The following KIAA1191 variants were observed in gnomAD, a reference collection of about 807,000 sequenced individuals.
KIAA1191 encodes KIAA1191.
KIAA1191 carries 22 observed loss-of-function variants against 31.1 expected under a neutral mutation model. That is an observed-to-expected ratio of 0.71 (90% confidence interval 0.51 to 1.01). The LOEUF is 1.01. Among genes scored for constraint, KIAA1191 ranks in the 50% least tolerant of loss-of-function variants. The probability of loss-of-function intolerance (pLI) is 0.00; values close to 1 mark genes in which losing one functional copy is unlikely to be tolerated. For synonymous variants in KIAA1191, 130 were observed against 143.9 expected (o/e 0.90, Z 0.69); for missense variants, 319 against 388.0 (o/e 0.82, Z 1.49).
At position 176,355,161 on chromosome 5, in the gene KIAA1191, G is replaced by A. The variant is rs1767390793; in HGVS notation, c.207+410C>T. 1.3e-5 allele frequency among the ~76,000 whole-genome samples: 2 copies of A among 152,068 alleles called. No homozygotes were observed. Among genetic ancestry groups the A allele is most frequent in the South Asian group, 4.1e-4 (2 of 4,826 alleles). Reference sequence around the variant, plus strand: ...GATCACATGGACTGTGGATCATGCTGAGCTTGGATTTAGCTCTGTGGGGAA... The same window carrying A: ...GATCACATGGACTGTGGATCATGCTAAGCTTGGATTTAGCTCTGTGGGGAA... On this transcript the variant is annotated intron_variant, in intron 4 of 8. Transcript: ENST00000298569. The surrounding 1 kb of genome is among the most constrained non-coding windows in gnomAD (Gnocchi z 4.2).
intron 6 of KIAA1191, 90 bp downstream of exon 6, chr5:176,350,523 A>C (rs755108136): frequency 2.6e-6 from 4 of 1,510,028 alleles, no homozygotes; most frequent in Non-Finnish European, 3.6e-6. Context: ...ACAGCCCCCA[A>C]CTAACTGAGC....
In KIAA1191 at chr5:176,359,728, C is replaced by A. The variant is rs532822313; in HGVS notation, c.-60+83G>T. 3.1e-5 allele frequency: 16 copies of A among 516,956 alleles called. No homozygotes were observed. In the East Asian group the frequency reaches 5.0e-4, roughly 16 times the overall value. 32.0% of individuals were successfully genotyped at this position (516,956 alleles called of 1,614,324 possible). A position where few individuals can be genotyped will look rare whatever the true frequency, so the allele number is the denominator to read the frequency against. ...ATGAAAAAAGAAGGATAAAGTCAAA[C>A]GTCTCACCACACCTGTGGCTGATCT... On this transcript the variant is annotated intron_variant, in intron 2 of 8. Coordinates refer to ENST00000298569, the MANE Select transcript of KIAA1191 (RefSeq NM_020444.5).
At chr5:176,357,382 CACG>C (rs1300380367) in intron 3 of KIAA1191, 5 of 152,092 alleles carry the variant, frequency 3.3e-5, no homozygotes, top group African/African-American at 9.6e-5. Context: ...TACTAAAAAT[CACG>C]ACATTGTTCA....
chr5:176,355,086 C>T lies in KIAA1191; in HGVS notation c.207+485G>A, dbSNP rs902596216. Among the ~76,000 whole-genome samples, 6 of 152,134 alleles carry T rather than the reference C, an allele frequency of 3.9e-5. No individual in the cohort carries two copies. The highest frequency in any genetic ancestry group is 6.5e-5 in the Admixed American group (1 of 15,278). On this transcript the variant is annotated intron_variant, in intron 4 of 8. Transcript: ENST00000298569. This position sits in a 1 kb window ranked among gnomAD's most constrained non-coding sequence, Gnocchi z 4.2. ...AAGTGCAAGAATTTTAGGTAACTTG[C>T]ACAGTTCAAGCACTGGGTAGGGGAG...
rs1444388825 is a variant in KIAA1191, at chr5:176,347,481, G to A, written c.*119C>T. 9 of 818,582 alleles carry A rather than the reference G, an allele frequency of 1.1e-5. 1 individual carries two copies. The South Asian group carries it at 2.1e-4, about 19-fold the overall frequency. 50.7% of individuals were successfully genotyped at this position (818,582 alleles called of 1,614,324 possible). A position where few individuals can be genotyped will look rare whatever the true frequency, so the allele number is the denominator to read the frequency against. ...CTCCCAAAGTGCTGGGATTACAGGCGTGAGCCACCACGCCCAGCTGATTAA... is the reference window on the plus strand; with the variant it reads ...CTCCCAAAGTGCTGGGATTACAGGCATGAGCCACCACGCCCAGCTGATTAA... On this transcript the variant is annotated 3_prime_UTR_variant, in exon 9 of 9. Transcript: ENST00000298569.
At chr5:176,348,188 A>G (rs1426825773) in intron 7 of KIAA1191, 62 bp downstream of exon 7, 1 of 1,595,666 alleles carries the variant, frequency 6.3e-7, no homozygotes, top group Non-Finnish European at 8.6e-7. Context: ...ATACAACCTC[A>G]TCTGCCACAC....
Position 176,355,605 on chromosome 5 carries a change from A to G in KIAA1191, c.173T>C (p.Val58Ala). The change falls in exon 4 of 9, where the codon GTG becomes GCG. Residue 58 changes from valine to alanine, a missense_variant. Coordinates refer to ENST00000298569, the MANE Select transcript of KIAA1191 (RefSeq NM_020444.5). This position sits in a 1 kb window ranked among gnomAD's most constrained non-coding sequence, Gnocchi z 4.2. Reference protein sequence around the residue: ...SDMGSVPWKPVIPERKYQHLA... With the variant: ...SDMGSVPWKPAIPERKYQHLA... ...GTGCTGATACTTGCGCTCTGGAATC[A>G]CTGGCTTCCAAGGGACGCTGCCCAT... 1 of 1,611,846 alleles carries G rather than the reference A, an allele frequency of 6.2e-7. No homozygotes were observed. Among genetic ancestry groups the G allele is most frequent in the Non-Finnish European group, 8.5e-7 (1 of 1,179,552 alleles).
Position 176,346,473 on chromosome 5 carries a change from C to T in KIAA1191, c.*1127G>A, listed in dbSNP as rs545730105. On this transcript the variant is annotated 3_prime_UTR_variant, in exon 9 of 9. Coordinates refer to ENST00000298569, the MANE Select transcript of KIAA1191 (RefSeq NM_020444.5). ...TTCACATGAACCTCAAGACTATAAT[C>T]TAACGGTATCTACCATCTCCTTTAC... 2 of 152,370 alleles carry T rather than the reference C, an allele frequency of 1.3e-5. No homozygotes were observed. Among genetic ancestry groups the T allele is most frequent in the South Asian group, 4.1e-4 (2 of 4,830 alleles). 9.4% of individuals were successfully genotyped at this position (152,370 alleles called of 1,614,324 possible). A position where few individuals can be genotyped will look rare whatever the true frequency, so the allele number is the denominator to read the frequency against.
In KIAA1191 at chr5:176,355,634, C is replaced by G. The variant is rs756994307; in HGVS notation, c.144G>C (p.Ser48=). 1.4e-5 allele frequency: 22 copies of G among 1,612,558 alleles called. No homozygotes were observed. Among genetic ancestry groups the G allele is most frequent in the Middle Eastern group, 2.0e-4 (1 of 4,978 alleles). Residue 48 remains serine (S), a synonymous_variant, in exon 4 of 9, where the codon TCG becomes TCC. Transcript: ENST00000298569. This position sits in a 1 kb window ranked among gnomAD's most constrained non-coding sequence, Gnocchi z 4.2. ...EDPAPMTPPP[S]DMGSVPWKPV... ...GCTTCCAAGGGACGCTGCCCATGTC[C>G]GATGGAGGAGGAGTCATGGGCGCAG...
intron 3 of KIAA1191, among the ~76,000 whole-genome samples, chr5:176,358,037 G>A (rs193120481): frequency 4.8e-4 from 73 of 151,660 alleles, no homozygotes; most frequent in African/African-American, 1.6e-3. Context: ...ATACTTTACC[G>A]AGAATCAGAA....
At chr5:176,348,653 C>T (rs1766729049) in intron 6 of KIAA1191, among the ~76,000 whole-genome samples, 1 of 151,744 alleles carries the variant, frequency 6.6e-6, no homozygotes, top group East Asian at 1.9e-4. Flanking sequence ...TTCCCCCAGA[C>T]AGTAAAATGG....
At position 176,355,272 on chromosome 5, in the gene KIAA1191, ATT is replaced by A. The variant is rs1483828802; in HGVS notation, c.207+297_207+298del. Among the ~76,000 whole-genome samples the A allele has an allele frequency of 1.3e-5, 2 of 152,160 alleles. No homozygotes were observed. Among genetic ancestry groups the A allele is most frequent in the Non-Finnish European group, 2.9e-5 (2 of 68,018 alleles). ...AGGAGGGAGATTTAAAAAACCATCT[ATT>A]GGGTACACTGTACACTATTCGGGTG... On this transcript the variant is annotated intron_variant, in intron 4 of 8. Coordinates refer to ENST00000298569, the MANE Select transcript of KIAA1191 (RefSeq NM_020444.5). The surrounding 1 kb of genome is among the most constrained non-coding windows in gnomAD (Gnocchi z 4.2).
In KIAA1191 at chr5:176,355,697, G is replaced by T; in HGVS notation, c.81C>A (p.Tyr27Ter). The change falls in exon 4 of 9, where the codon TAC becomes TAA. Residue 27 changes from tyrosine to a stop codon, truncating the protein, a stop_gained. Coordinates refer to ENST00000298569, the MANE Select transcript of KIAA1191 (RefSeq NM_020444.5). LOFTEE classifies it high-confidence loss of function. This position sits in a 1 kb window ranked among gnomAD's most constrained non-coding sequence, Gnocchi z 4.2. ...TATCATCATAGCTGACTGCCCGGCG[G>T]TATATCCCGATGGGCAGGGACATCT... ...LGKMSLPIGI[Y>*]RRAVSYDDTL... The T allele has an allele frequency of 6.2e-7, 1 of 1,613,816 alleles. No homozygotes were observed. Among genetic ancestry groups the T allele is most frequent in the Non-Finnish European group, 8.5e-7 (1 of 1,180,042 alleles).
chr5:176,354,068 C>T (rs1767280729), intron 4 of KIAA1191: 1 of 152,210 alleles, frequency 6.6e-6, no homozygotes. Flanking sequence ...AAAAACACTC[C>T]TTAGAAATTA....
intron 4 of KIAA1191, chr5:176,354,483 G>A (rs1767320709): frequency 6.6e-6 from 1 of 152,344 alleles, no homozygotes; most frequent in Non-Finnish European, 1.5e-5. Flanking sequence ...GAGTCAGAGG[G>A]GAGAGAGTCC....
intron 5 of KIAA1191, among the ~76,000 whole-genome samples, chr5:176,351,012 C>T (rs1442312726): frequency 1.3e-5 from 2 of 152,116 alleles, no homozygotes; most frequent in Non-Finnish European, 2.9e-5. Flanking sequence ...CCACCCTCCT[C>T]TTAGTTGTAC....
intron 3 of KIAA1191, among the ~76,000 whole-genome samples, chr5:176,356,883 A>G (rs1300769969): frequency 3.3e-5 from 5 of 152,196 alleles, no homozygotes; most frequent in Non-Finnish European, 7.3e-5. Flanking sequence ...TATTATTACT[A>G]TTGCTATTAG....
chr5:176,358,310 T>C (rs1179635228), intron 3 of KIAA1191, among the ~76,000 whole-genome samples: 1 of 152,258 alleles, frequency 6.6e-6, no homozygotes, highest in Non-Finnish European at 1.5e-5. Context: ...TGAATTATTA[T>C]TTGATAACTA....
In KIAA1191 at chr5:176,353,840, C is replaced by T. The variant is rs559199268; in HGVS notation, c.208-1092G>A. Among the ~76,000 whole-genome samples, 571 of 152,314 alleles carry T rather than the reference C, an allele frequency of 3.7e-3. 7 individuals carry two copies. Among genetic ancestry groups the T allele is most frequent in the African/African-American group, 0.013 (523 of 41,574 alleles). On this transcript the variant is annotated intron_variant, in intron 4 of 8. Transcript: ENST00000298569. ...CACCAGAAGCCCTGCTCACCTCCTG[C>T]TCTGGACCCTAAAGCCCATTGCTCT...
Sources: gnomAD v4.1 joint callset for allele counts (sites outside exome capture counted in the v4.1 genomes callset) on GRCh38, gnomAD v4.1.1 for gene constraint, Gnocchi (gnomAD v3.1) non-coding constraint, MANE v1.5 for transcripts, NCBI Gene and HGNC (gene_info 2026-07-23, HGNC 2026-07-21) for gene names.